The following KCNMA1 variants were observed in gnomAD, a reference collection of about 807,000 sequenced individuals.
KCNMA1 encodes the protein Calcium-activated potassium channel subunit alpha-1.
Under a neutral mutation model 140.0 loss-of-function variants are expected in KCNMA1, and 29 were observed. The ratio of observed to expected loss-of-function variants is 0.21; its 90% CI spans 0.15 to 0.28. The LOEUF (loss-of-function observed/expected upper bound fraction) is 0.28. Among genes scored for constraint, KCNMA1 ranks in the 10% least tolerant of loss-of-function variants. KCNMA1 has a pLI of 1.00. For missense variants in KCNMA1, 880 were observed against 1,602.2 expected, an observed-to-expected ratio of 0.55 and a Z score of 7.70; for synonymous variants, 612 against 611.9, an observed-to-expected ratio of 1.00 and a Z score of 0.00.
intron 23 of KCNMA1, among the ~76,000 whole-genome samples, chr10:76,921,693 G>C (rs1334505813): frequency 6.6e-6 from 1 of 152,192 alleles, no homozygotes; most frequent in Non-Finnish European, 1.5e-5. Flanking sequence ...TGCTTCAGCA[G>C]CTGAAGTAAA....
At chr10:76,933,856 T>G (rs898248749) in intron 23 of KCNMA1, among the ~76,000 whole-genome samples, 4 of 152,222 alleles carry the variant, frequency 2.6e-5, no homozygotes, top group African/African-American at 9.6e-5. Context: ...ATTTAAGGAC[T>G]AGCCATATCC....
chr10:77,471,980 C>T (rs2154528671), intron 1 of KCNMA1, among the ~76,000 whole-genome samples: 1 of 149,666 alleles, frequency 6.7e-6, no homozygotes, highest in Non-Finnish European at 1.5e-5. Context: ...ATCACACACA[C>T]ATAATGCCAC....
At chr10:77,487,984 T>A (rs1296453260) in intron 1 of KCNMA1, among the ~76,000 whole-genome samples, 1 of 152,232 alleles carries the variant, frequency 6.6e-6, no homozygotes, top group East Asian at 1.9e-4. Flanking sequence ...TCAGCCTTTA[T>A]CATCAGACAC....
intron 1 of KCNMA1, among the ~76,000 whole-genome samples, chr10:77,631,925 A>G (rs969506209): frequency 6.6e-6 from 1 of 152,152 alleles, no homozygotes; most frequent in African/African-American, 2.4e-5. Flanking sequence ...AGGAAATGCT[A>G]TAAAATGGGG....
intron 14 of KCNMA1, among the ~76,000 whole-genome samples, chr10:77,044,311 AGT>A (rs1395136321): frequency 1.3e-5 from 2 of 152,136 alleles, no homozygotes; most frequent in African/African-American, 4.8e-5. Context: ...CAAAAACAAA[AGT>A]GTACATTTCT....
intron 23 of KCNMA1, 91 bp downstream of exon 23, chr10:76,944,682 A>G (rs1428601414): frequency 8.2e-7 from 1 of 1,219,724 alleles, no homozygotes; most frequent in African/African-American, 1.5e-5. Flanking sequence ...GGCTGATGTG[A>G]GCCTCTTTGA....
At chr10:77,504,963 T>C (rs747829137) in intron 1 of KCNMA1, among the ~76,000 whole-genome samples, 1 of 152,174 alleles carries the variant, frequency 6.6e-6, no homozygotes. Context: ...GCACCTCTAA[T>C]GCTGGAAAGT....
intron 1 of KCNMA1, among the ~76,000 whole-genome samples, chr10:77,492,208 C>A (rs2040197280): frequency 6.6e-6 from 1 of 152,224 alleles, no homozygotes; most frequent in Non-Finnish European, 1.5e-5. Context: ...CTGATGTTCT[C>A]AGACCCTGCT....
intron 1 of KCNMA1, among the ~76,000 whole-genome samples, chr10:77,558,675 A>C (rs1259645205): frequency 6.6e-6 from 1 of 152,176 alleles, no homozygotes; most frequent in Non-Finnish European, 1.5e-5. Context: ...CCCTGCCCCC[A>C]AGAAAGCTGC....
intron 14 of KCNMA1, among the ~76,000 whole-genome samples, chr10:77,061,924 T>C (rs904404707): frequency 7.2e-5 from 11 of 152,202 alleles, no homozygotes; most frequent in African/African-American, 2.7e-4. Flanking sequence ...TGCTCCATGA[T>C]GCCTTTACAT....
chr10:76,913,800 A>T (rs1003840353), intron 24 of KCNMA1: 3 of 441,506 alleles, frequency 6.8e-6, no homozygotes, highest in African/African-American at 5.9e-5. Flanking sequence ...TAGAGCAAAT[A>T]TGCTTTGGAA....
At chr10:77,624,974 T>G (rs1814470596) in intron 1 of KCNMA1, among the ~76,000 whole-genome samples, 1 of 151,526 alleles carries the variant, frequency 6.6e-6, no homozygotes, top group Admixed American at 6.6e-5. Flanking sequence ...GTAAAGAACA[T>G]GTCAGGGAAG....
At chr10:77,469,370 G>A (rs1295512348) in intron 1 of KCNMA1, among the ~76,000 whole-genome samples, 1 of 152,122 alleles carries the variant, frequency 6.6e-6, no homozygotes, top group Non-Finnish European at 1.5e-5. Context: ...CACCACTCTG[G>A]ACAGTTTGCC....
At chr10:77,239,046 C>T (rs1392183991) in intron 3 of KCNMA1, among the ~76,000 whole-genome samples, 1 of 152,214 alleles carries the variant, frequency 6.6e-6, no homozygotes, top group East Asian at 1.9e-4. Flanking sequence ...GTCTACTCCT[C>T]AGCCTCACCT....
intron 14 of KCNMA1, among the ~76,000 whole-genome samples, chr10:77,056,866 AT>A: frequency 6.6e-6 from 1 of 152,306 alleles, no homozygotes; most frequent in East Asian, 1.9e-4. Flanking sequence ...AAATTGTGCA[AT>A]TTGAACAACA....
intron 19 of KCNMA1, chr10:76,979,523 T>C (rs912278772): frequency 6.6e-5 from 10 of 152,156 alleles, no homozygotes; most frequent in Non-Finnish European, 1.3e-4. Flanking sequence ...TGGCAGAAGA[T>C]GTCAATCACA....
intron 1 of KCNMA1, among the ~76,000 whole-genome samples, chr10:77,453,232 A>G (rs939732659): frequency 1.3e-5 from 2 of 152,134 alleles, no homozygotes; most frequent in Admixed American, 6.5e-5. Flanking sequence ...TTAAAATCCA[A>G]TCAAGAGTAT....
chr10:77,070,963 G>C (rs751040931), intron 14 of KCNMA1, among the ~76,000 whole-genome samples: 22 of 152,194 alleles, frequency 1.4e-4, no homozygotes, highest in Non-Finnish European at 3.1e-4. Flanking sequence ...AGTGTCAAAA[G>C]GTCATATTCA....
chr10:77,153,783 A>G (rs1418348329), intron 5 of KCNMA1, among the ~76,000 whole-genome samples: 1 of 152,170 alleles, frequency 6.6e-6, no homozygotes. Context: ...TGAGCAACTT[A>G]CATCCTGGAG....
Sources: gnomAD v4.1 joint callset for allele counts (sites outside exome capture counted in the v4.1 genomes callset) on GRCh38, gnomAD v4.1.1 for gene constraint, MANE v1.5 for transcripts, NCBI Gene and HGNC (gene_info 2026-07-23, HGNC 2026-07-21) for gene names.